DIP2B: variants seen among roughly 807,000 people sequenced by gnomAD.
DIP2B encodes the protein DIP2 acetate--CoA ligase B (putative).
A neutral mutation model predicts 198.0 loss-of-function variants in DIP2B; 76 were observed. The ratio of observed to expected loss-of-function variants is 0.38; its 90% CI spans 0.32 to 0.46. The LOEUF (loss-of-function observed/expected upper bound fraction) is 0.46. Among genes scored for constraint, DIP2B ranks in the 20% least tolerant of loss-of-function variants. The pLI is 0.99. For synonymous variants in DIP2B, 701 were observed against 739.1 expected (o/e 0.95, Z 0.84); for missense variants, 1,559 against 1,978.4 (o/e 0.79, Z 4.02).
intron 4 of DIP2B, among the ~76,000 whole-genome samples, chr12:50,661,197 T>C (rs1244141960): frequency 1.3e-5 from 2 of 152,172 alleles, no homozygotes; most frequent in Non-Finnish European, 2.9e-5. Flanking sequence ...ATAGTAAATC[T>C]ATTTCAGAGC....
intron 2 of DIP2B, among the ~76,000 whole-genome samples, chr12:50,635,297 A>G (rs760863068): frequency 4.6e-5 from 7 of 152,150 alleles, no homozygotes; most frequent in Non-Finnish European, 1.0e-4. Flanking sequence ...TCAGAATAAG[A>G]TCTTACCTTT....
intron 1 of DIP2B, among the ~76,000 whole-genome samples, chr12:50,526,428 T>C (rs1271481750): frequency 6.6e-6 from 1 of 152,192 alleles, no homozygotes; most frequent in African/African-American, 2.4e-5. Flanking sequence ...TTTCCGTTTC[T>C]TCAGTCTGCC....
intron 1 of DIP2B, among the ~76,000 whole-genome samples, chr12:50,543,975 A>G (rs1166187490): frequency 6.7e-6 from 1 of 150,012 alleles, no homozygotes; most frequent in Non-Finnish European, 1.5e-5. Flanking sequence ...CACGCTTGTA[A>G]TTCCAGCGCT....
intron 1 of DIP2B, among the ~76,000 whole-genome samples, chr12:50,567,865 C>T (rs963512562): frequency 1.3e-5 from 2 of 152,118 alleles, no homozygotes; most frequent in African/African-American, 4.8e-5. Flanking sequence ...GTTTAATTTC[C>T]GTTTGGGTAT....
chr12:50,505,836 T>C (rs1366387451), intron 1 of DIP2B, among the ~76,000 whole-genome samples: 1 of 151,954 alleles, frequency 6.6e-6, no homozygotes, highest in Admixed American at 6.6e-5. Flanking sequence ...ACGGTGCTGC[T>C]TTTAGACCAC....
At chr12:50,633,802 A>G (rs1271183882) in intron 2 of DIP2B, among the ~76,000 whole-genome samples, 1 of 152,240 alleles carries the variant, frequency 6.6e-6, no homozygotes, top group African/African-American at 2.4e-5. Context: ...CAGTAGCATC[A>G]TAGGGATTAG....
chr12:50,692,985 A>T lies in DIP2B; in HGVS notation c.1691A>T (p.Asp564Val), dbSNP rs369096149. ...TIVNVLDFKKDAGLWHGMFAN... is the reference protein window; with the variant it reads ...TIVNVLDFKKVAGLWHGMFAN... ...GTAAATGTCTTAGACTTTAAGAAGG[A>T]TGCTGGGCTGTGGCACGGCATGTTT... The change falls in exon 14 of 38, where the codon GAT (aspartate) becomes GTT (valine). Residue 564 changes from aspartate (D) to valine (V), a missense_variant. Coordinates refer to ENST00000301180, the MANE Select transcript of DIP2B (RefSeq NM_173602.3). 2.5e-6 allele frequency: 4 copies of T among 1,610,830 alleles called. No individual in the cohort carries two copies. The highest frequency in any genetic ancestry group is 2.5e-6 in the Non-Finnish European group (3 of 1,179,284).
intron 1 of DIP2B, among the ~76,000 whole-genome samples, chr12:50,531,315 T>A (rs1237787019): frequency 6.6e-6 from 1 of 152,110 alleles, no homozygotes; most frequent in Non-Finnish European, 1.5e-5. Context: ...CCCAGAGTGC[T>A]GGGATTATAG....
chr12:50,697,365 G>A (rs1373398702), intron 17 of DIP2B, among the ~76,000 whole-genome samples, 190 bp downstream of exon 17: 1 of 151,962 alleles, frequency 6.6e-6, no homozygotes, highest in African/African-American at 2.4e-5. Context: ...TCGTATTTGT[G>A]AATTAGCTCT....
chr12:50,589,317 C>G (rs905021317), intron 1 of DIP2B, among the ~76,000 whole-genome samples: 2 of 149,878 alleles, frequency 1.3e-5, no homozygotes, highest in African/African-American at 4.9e-5. Flanking sequence ...GCCTCAGCCT[C>G]TCAAGTAACT....
rs573725263 is a variant in DIP2B at position 50,684,491 on chromosome 12, G to A, written c.1317+1243G>A. Among the ~76,000 whole-genome samples, 10 of 152,232 alleles carry A rather than the reference G, an allele frequency of 6.6e-5. No individual in the cohort carries two copies. In the South Asian group the frequency reaches 2.1e-3, roughly 32 times the overall value. On this transcript the variant is annotated intron_variant, in intron 10 of 37. Transcript: ENST00000301180. ...CAAAGATGAATATGTTGGAGGATGTGGATTTATAAGAAGAAATTGGCCAGG... is the reference window on the plus strand; with the variant it reads ...CAAAGATGAATATGTTGGAGGATGTAGATTTATAAGAAGAAATTGGCCAGG...
At chr12:50,662,475 T>G (rs17124862) in intron 4 of DIP2B, among the ~76,000 whole-genome samples, 1,654 of 152,332 alleles carry the variant, frequency 0.011, 34 homozygotes, top group African/African-American at 0.038. Flanking sequence ...AGAACTCTTA[T>G]CATAAGGCTT....
chr12:50,631,083 CCTT>C (rs1232154618), intron 2 of DIP2B, among the ~76,000 whole-genome samples: 2 of 151,990 alleles, frequency 1.3e-5, no homozygotes, highest in Non-Finnish European at 2.9e-5. Flanking sequence ...CTTTACTATT[CCTT>C]CTTCTGCCTC....
chr12:50,737,243 C>T (rs1940153885), intron 35 of DIP2B, 133 bp downstream of exon 35: 1 of 781,058 alleles, frequency 1.3e-6, no homozygotes, highest in East Asian at 2.8e-5. Flanking sequence ...TTCTGTAAGG[C>T]ATGAGACTGA....
intron 1 of DIP2B, among the ~76,000 whole-genome samples, chr12:50,517,401 C>T (rs1275795930): frequency 1.3e-5 from 2 of 151,990 alleles, no homozygotes; most frequent in African/African-American, 4.8e-5. Context: ...ATCACTGAGT[C>T]TTGTTGTTTC....
chr12:50,700,113 G>A (rs1939392240), intron 19 of DIP2B, among the ~76,000 whole-genome samples: 1 of 152,086 alleles, frequency 6.6e-6, no homozygotes. Flanking sequence ...AATGTGTCTG[G>A]CAATGTTCCA....
chr12:50,562,736 G>GAA (rs766675501), intron 1 of DIP2B, among the ~76,000 whole-genome samples: 2 of 127,556 alleles, frequency 1.6e-5, no homozygotes, highest in South Asian at 2.4e-4. Flanking sequence ...CCCTGACTCA[G>GAA]AAAAAAAAAA....
intron 22 of DIP2B, 102 bp from the exon 23 acceptor site, chr12:50,714,293 T>A: frequency 7.7e-7 from 1 of 1,302,040 alleles, no homozygotes; most frequent in Non-Finnish European, 1.1e-6. Flanking sequence ...CTAGAATGGG[T>A]AGAGTAAGAA....
chr12:50,660,205 G>A lies in DIP2B; in HGVS notation c.313G>A (p.Glu105Lys), dbSNP rs750391754. Residue 105 changes from glutamate (E) to lysine (K), a missense_variant, in exon 4 of 38, where the codon GAA becomes AAA. Physicochemically the swap from Glu to Lys is moderately conservative, Grantham distance 56 (BLOSUM62 1). Coordinates refer to ENST00000301180, the MANE Select transcript of DIP2B (RefSeq NM_173602.3). ...DERYRSDIHT[E>K]AVQAALAKHK... ...GTTTGCTTTTTCAGATATCCACACA[G>A]AAGCAGTTCAGGCTGCACTGGCAAA... 1 of 1,607,524 alleles carries A rather than the reference G, an allele frequency of 6.2e-7. No homozygotes were observed. The highest frequency in any genetic ancestry group is 1.3e-5 in the African/African-American group (1 of 74,634).
Sources: gnomAD v4.1 joint callset for allele counts (sites outside exome capture counted in the v4.1 genomes callset) on GRCh38, gnomAD v4.1.1 for gene constraint, MANE v1.5 for transcripts, NCBI Gene and HGNC (gene_info 2026-07-23, HGNC 2026-07-21) for gene names.